PRELID2: variants seen among roughly 807,000 people sequenced by gnomAD.
PRELID2 encodes PRELI domain containing 2, also known as PRELI domain-containing protein 2.
Under a neutral mutation model 28.4 loss-of-function variants are expected in PRELID2, and 25 were observed. That is an observed-to-expected ratio of 0.88 (90% CI 0.64 to 1.23). PRELID2 has a LOEUF of 1.23. Ranked by LOEUF, PRELID2 falls within the 50% of genes most tolerant of loss-of-function variation. The pLI is 0.00. For missense variants in PRELID2, 201 were observed against 214.4 expected (o/e 0.94, Z 0.39); for synonymous variants, 76 against 71.6 (o/e 1.06, Z -0.31).
the PRELID2 span, among the ~76,000 whole-genome samples, chr5:145,370,404 G>A: frequency 2.6e-5 from 4 of 151,940 alleles, no homozygotes; most frequent in Admixed American, 2.0e-4. Context: ...GCTGGTTTTT[G>A]TCAGGTTTGT....
At chr5:145,577,518 C>T (rs552040580) in intron 1 of PRELID2, among the ~76,000 whole-genome samples, 13 of 151,814 alleles carry the variant, frequency 8.6e-5, no homozygotes, top group Non-Finnish European at 1.9e-4. Flanking sequence ...AGAAAAAAAT[C>T]TGTGAACTTA....
chr5:145,556,445 G>C lies in PRELID2; in HGVS notation n.71-83130C>G, dbSNP rs1022510668. On this transcript the variant is annotated intron_variant and non_coding_transcript_variant, in intron 1 of 2. Coordinates refer to the PRELID2 transcript ENST00000510259. ...ACCAAAAATTACTGATTTCAGCTCT[G>C]GTATTTCTCAGTGCTATTTATTTCT... Among the ~76,000 whole-genome samples, 4 of 152,068 alleles carry C rather than the reference G, an allele frequency of 2.6e-5. No individual in the cohort carries two copies. In the East Asian group the frequency reaches 7.7e-4, roughly 29 times the overall value.
the PRELID2 span, among the ~76,000 whole-genome samples, chr5:145,319,164 C>A: frequency 5.9e-5 from 9 of 152,106 alleles, no homozygotes; most frequent in African/African-American, 9.7e-5. Context: ...AAAAGAAATG[C>A]CTGTTCCCAT....
chr5:145,571,197 C>T (rs1203058600), intron 1 of PRELID2, among the ~76,000 whole-genome samples: 7 of 152,300 alleles, frequency 4.6e-5, no homozygotes, highest in East Asian at 3.9e-4. Context: ...GTGCTGGACA[C>T]GTTATCTACT....
chr5:145,300,147 T>A, the PRELID2 span, among the ~76,000 whole-genome samples: 5 of 152,166 alleles, frequency 3.3e-5, no homozygotes, highest in Non-Finnish European at 7.3e-5. Context: ...AAATGCCATC[T>A]TTGACCAGTT....
chr5:145,572,847 G>T (rs1207717099), intron 1 of PRELID2, among the ~76,000 whole-genome samples: 1 of 152,180 alleles, frequency 6.6e-6, no homozygotes, highest in Non-Finnish European at 1.5e-5. Context: ...CACTGAGGCT[G>T]TCTGGAAGTT....
the PRELID2 span, among the ~76,000 whole-genome samples, chr5:145,390,344 A>C: frequency 6.6e-6 from 1 of 152,336 alleles, no homozygotes; most frequent in East Asian, 1.9e-4. Context: ...AAGAGGTTTA[A>C]TTGACTCACA....
At chr5:145,303,275 G>A in the PRELID2 span, among the ~76,000 whole-genome samples, 2 of 152,138 alleles carry the variant, frequency 1.3e-5, no homozygotes, top group Middle Eastern at 3.2e-3. Flanking sequence ...ACCACTGACA[G>A]TAAAAACAGT....
chr5:145,304,816 T>C, the PRELID2 span, among the ~76,000 whole-genome samples: 1 of 152,096 alleles, frequency 6.6e-6, no homozygotes, highest in East Asian at 1.9e-4. Context: ...CCCTACATAG[T>C]ATAGAAAAGA....
intron 5 of PRELID2, among the ~76,000 whole-genome samples, chr5:145,768,177 A>G (rs1310256090): frequency 6.7e-6 from 1 of 149,536 alleles, no homozygotes; most frequent in East Asian, 2.0e-4. Context: ...GTGAGCCAAG[A>G]GCACGCCACT....
At chr5:145,335,327 A>G in the PRELID2 span, among the ~76,000 whole-genome samples, 1 of 151,918 alleles carries the variant, frequency 6.6e-6, no homozygotes, top group African/African-American at 2.4e-5. Context: ...AATCATTTAT[A>G]TCTCTTTGTA....
intron 5 of PRELID2, among the ~76,000 whole-genome samples, chr5:145,770,353 T>TA (rs545578890): frequency 0.034 from 5,108 of 148,102 alleles, 102 homozygotes; most frequent in Middle Eastern, 0.062. Context: ...CCTTCTCTAT[T>TA]AAAAAAAAAA....
At chr5:145,653,548 T>C (rs1581030056) in intron 1 of PRELID2, among the ~76,000 whole-genome samples, 1 of 152,206 alleles carries the variant, frequency 6.6e-6, no homozygotes, top group East Asian at 1.9e-4. Flanking sequence ...TAACAAACTT[T>C]CTCTCAGACC....
chr5:145,680,498 T>G (rs1204694869), intron 1 of PRELID2, among the ~76,000 whole-genome samples: 1 of 152,166 alleles, frequency 6.6e-6, no homozygotes, highest in Admixed American at 6.5e-5. Flanking sequence ...GAATTTCTTT[T>G]GTTAGCTCAA....
chr5:145,708,021 T>A (rs1288614155), intron 1 of PRELID2, among the ~76,000 whole-genome samples: 1 of 152,128 alleles, frequency 6.6e-6, no homozygotes, highest in Non-Finnish European at 1.5e-5. Flanking sequence ...AATAAATAAA[T>A]GACTGAATAA....
intron 5 of PRELID2, among the ~76,000 whole-genome samples, chr5:145,779,577 TGTTTCA>T (rs1457653610): frequency 3.6e-4 from 2 of 5,570 alleles, no homozygotes; most frequent in Non-Finnish European, 1.7e-3. Flanking sequence ...GTACTAACAC[TGTTTCA>T]TTATGACTGT....
chr5:145,828,139 A>G (rs1755326672), intron 1 of PRELID2, among the ~76,000 whole-genome samples: 1 of 152,228 alleles, frequency 6.6e-6, no homozygotes, highest in Admixed American at 6.5e-5. Context: ...TTGGAATCCT[A>G]TCTGTGAGAA....
chr5:145,401,126 C>T, the PRELID2 span, among the ~76,000 whole-genome samples: 1 of 152,088 alleles, frequency 6.6e-6, no homozygotes, highest in African/African-American at 2.4e-5. Context: ...GGGATACAGC[C>T]AAGAACTAGA....
chr5:145,796,079 T>C (rs1561618532), intron 5 of PRELID2: 1 of 157,044 alleles, frequency 6.4e-6, no homozygotes, highest in African/African-American at 2.4e-5. Flanking sequence ...CTTTTAGCAG[T>C]CAGTAGTACA....
Sources: gnomAD v4.1 joint callset for allele counts (sites outside exome capture counted in the v4.1 genomes callset) on GRCh38, gnomAD v4.1.1 for gene constraint, MANE v1.5 for transcripts, NCBI Gene and HGNC (gene_info 2026-07-23, HGNC 2026-07-21) for gene names.